TMEM131: variants seen among roughly 807,000 people sequenced by gnomAD.
TMEM131 encodes the protein 2610524E03Rik.
Under a neutral mutation model 211.6 loss-of-function variants are expected in TMEM131, and 66 were observed. That is an observed-to-expected ratio of 0.31 (90% confidence interval 0.26 to 0.38). The LOEUF (loss-of-function observed/expected upper bound fraction) is 0.38. TMEM131 is among the 10% of genes least tolerant of loss of function. The pLI, the probability that TMEM131 is intolerant of heterozygous loss-of-function variation, is 1.00. For missense variants in TMEM131, 2,036 were observed against 2,299.3 expected (o/e 0.89, Z 2.34); for synonymous variants, 844 against 841.3 (o/e 1.00, Z -0.06).
chr2:97,850,929 A>G (rs1673599055), intron 5 of TMEM131, among the ~76,000 whole-genome samples: 1 of 151,892 alleles, frequency 6.6e-6, no homozygotes, highest in Non-Finnish European at 1.5e-5. Flanking sequence ...AGGCCCATCT[A>G]AACTCCAAAG....
chr2:97,792,861 A>G lies in TMEM131; in HGVS notation c.3669T>C (p.Ser1223=), dbSNP rs1264567461. Reference sequence around the variant, plus strand: ...CGTCAGCTGAGTTTCTATTGCTGTGACTGCTGTGTGGGTGGACCGATGGGC... The same window carrying G: ...CGTCAGCTGAGTTTCTATTGCTGTGGCTGCTGTGTGGGTGGACCGATGGGC... ...QCGPSVHPHS[S]HSNRNSADVE... Residue 1223 remains serine, a synonymous_variant, in exon 31 of 41, where the codon AGT becomes AGC. Coordinates refer to ENST00000186436, the MANE Select transcript of TMEM131 (RefSeq NM_015348.2). 1 of 1,613,772 alleles carries G rather than the reference A, an allele frequency of 6.2e-7. No homozygotes were observed. Among genetic ancestry groups the G allele is most frequent in the Non-Finnish European group, 8.5e-7 (1 of 1,179,860 alleles).
At position 97,824,630 on chromosome 2, in the gene TMEM131, C is replaced by T. The variant is rs181901507; in HGVS notation, c.1075-5909G>A. On this transcript the variant is annotated intron_variant, in intron 11 of 40. Transcript: ENST00000186436. ...GGGAACAAGTTACCCATTTGTTGTC[C>T]CCTACTTGAGGAGGGAATCAACCCT... 1.1e-3 allele frequency among the ~76,000 whole-genome samples: 166 copies of T among 152,252 alleles called. 1 individual carries two copies. The highest frequency in any genetic ancestry group is 4.0e-3 in the African/African-American group (165 of 41,558).
chr2:97,979,994 ATTTCAATATTG>A (rs1351525293), intron 1 of TMEM131, among the ~76,000 whole-genome samples: 1 of 152,152 alleles, frequency 6.6e-6, no homozygotes, highest in Non-Finnish European at 1.5e-5. Flanking sequence ...AATTGTCCTA[ATTTCAATATTG>A]TTGTCTCAGA....
intron 4 of TMEM131, chr2:97,887,660 G>A (rs1414936052): frequency 6.4e-6 from 1 of 157,406 alleles, no homozygotes; most frequent in Non-Finnish European, 1.4e-5. Context: ...ATACTATTTG[G>A]TGATATATAA....
intron 18 of TMEM131, 48 bp from the exon 19 acceptor site, chr2:97,809,822 T>A: frequency 1.4e-6 from 2 of 1,433,804 alleles, no homozygotes; most frequent in South Asian, 2.5e-5. Context: ...AGACTTAGCC[T>A]GATCTTGATA....
At chr2:97,860,305 C>A (rs548938042) in intron 4 of TMEM131, among the ~76,000 whole-genome samples, 4 of 152,140 alleles carry the variant, frequency 2.6e-5, no homozygotes, top group African/African-American at 9.7e-5. Context: ...ATGGGCAAGT[C>A]CCCCACGGCT....
chr2:97,765,227 T>C (rs1327223141), intron 35 of TMEM131: 1 of 152,224 alleles, frequency 6.6e-6, no homozygotes, highest in Non-Finnish European at 1.5e-5. Context: ...GGCTACAGGA[T>C]GTATCTCAGA....
chr2:97,834,650 A>G lies in TMEM131; in HGVS notation c.983T>C (p.Met328Thr). 6.4e-7 allele frequency: 1 copy of G among 1,573,502 alleles called. No homozygotes were observed. The highest frequency in any genetic ancestry group is 8.6e-7 in the Non-Finnish European group (1 of 1,161,330). The change falls in exon 10 of 41, where the codon ATG (methionine) becomes ACG (threonine). Residue 328 changes from methionine (M) to threonine (T), a missense_variant. Met to Thr is a moderately conservative substitution (Grantham distance 81, BLOSUM62 -1). Coordinates refer to ENST00000186436, the MANE Select transcript of TMEM131 (RefSeq NM_015348.2). Reference sequence around the variant, plus strand: ...TGTTCTTAGTGTACCAAAATCTAACATTTCAGTTGAGGAATAAATTCCAGG... The same window carrying G: ...TGTTCTTAGTGTACCAAAATCTAACGTTTCAGTTGAGGAATAAATTCCAGG... ...TAPGIYSSTE[M>T]LDFGTLRTQD...
intron 4 of TMEM131, among the ~76,000 whole-genome samples, chr2:97,863,275 G>A (rs1227367473): frequency 1.3e-5 from 2 of 152,170 alleles, no homozygotes; most frequent in South Asian, 2.1e-4. Context: ...ATGCTAATGG[G>A]AGTTCTTTCA....
chr2:97,769,018 G>A (rs909588221), intron 33 of TMEM131, among the ~76,000 whole-genome samples: 1 of 150,262 alleles, frequency 6.7e-6, no homozygotes, highest in Non-Finnish European at 1.5e-5. Flanking sequence ...GTGCAATCAC[G>A]GCTCTCTGCA....
chr2:97,967,504 AGAAAG>A (rs1251367271), intron 1 of TMEM131, among the ~76,000 whole-genome samples: 1 of 152,058 alleles, frequency 6.6e-6, no homozygotes, highest in Non-Finnish European at 1.5e-5. Context: ...ACAAATTGTC[AGAAAG>A]GAAAGAGAAA....
intron 4 of TMEM131, 89 bp downstream of exon 4, chr2:97,887,963 A>AT: frequency 9.7e-7 from 1 of 1,029,074 alleles, no homozygotes; most frequent in Admixed American, 2.1e-5. Flanking sequence ...TCCCACATAG[A>AT]TGTAACACAG....
At chr2:97,919,629 G>A (rs935875020) in intron 2 of TMEM131, among the ~76,000 whole-genome samples, 3 of 152,114 alleles carry the variant, frequency 2.0e-5, no homozygotes, top group Admixed American at 6.5e-5. Context: ...GGAGTGCAAT[G>A]GCACGATCTC....
chr2:97,833,802 C>A (rs553955790), intron 10 of TMEM131, among the ~76,000 whole-genome samples: 3 of 152,162 alleles, frequency 2.0e-5, no homozygotes, highest in Admixed American at 2.0e-4. Context: ...GGATTACAGG[C>A]ATGTACCACC....
chr2:97,770,551 A>C (rs533695553), intron 33 of TMEM131, among the ~76,000 whole-genome samples: 15 of 152,242 alleles, frequency 9.9e-5, no homozygotes, highest in Non-Finnish European at 2.2e-4. Context: ...AAGAGAACTA[A>C]AAACCCTTGC....
intron 12 of TMEM131, 35 bp from the exon 13 acceptor site, chr2:97,815,342 TTTTACTAC>T: frequency 7.6e-7 from 1 of 1,310,290 alleles, no homozygotes; most frequent in Non-Finnish European, 1.0e-6. Flanking sequence ...CTCTGTTACC[TTTTACTAC>T]CAAAGAGAAT....
At chr2:97,926,677 C>T (rs1245916474) in intron 2 of TMEM131, among the ~76,000 whole-genome samples, 1 of 152,194 alleles carries the variant, frequency 6.6e-6, no homozygotes, top group African/African-American at 2.4e-5. Context: ...CTGAGCAGAT[C>T]CAAAGACTAT....
At chr2:97,771,758 G>A (rs958189779) in intron 33 of TMEM131, among the ~76,000 whole-genome samples, 2 of 152,208 alleles carry the variant, frequency 1.3e-5, no homozygotes, top group Non-Finnish European at 2.9e-5. Context: ...AGCCCTCCCC[G>A]GGGGCCACTG....
chr2:97,786,599 TA>T (rs1272153656), intron 31 of TMEM131, among the ~76,000 whole-genome samples: 2 of 152,210 alleles, frequency 1.3e-5, no homozygotes, highest in Admixed American at 6.5e-5. Flanking sequence ...ACCTTGGGGC[TA>T]ACCTCAGTGT....
Sources: allele counts gnomAD v4.1 joint callset (sites outside exome capture counted in the v4.1 genomes callset), GRCh38; gene constraint gnomAD v4.1.1; transcripts MANE v1.5; gene names NCBI Gene and HGNC (gene_info 2026-07-23, HGNC 2026-07-21).